Variants in SGCD observed in about 807,000 individuals in gnomAD.
The protein encoded by SGCD is sarcoglycan delta, also known as delta-sarcoglycan.
SGCD carries 18 observed loss-of-function variants against 36.6 expected under a neutral mutation model. The observed-to-expected ratio is 0.49, with a 90% CI of 0.34 to 0.73. SGCD has a LOEUF of 0.73. SGCD is among the 30% of genes least tolerant of loss of function. The probability of loss-of-function intolerance (pLI) is 0.01; values close to 1 mark genes in which losing one functional copy is unlikely to be tolerated. For synonymous variants in SGCD, 133 were observed against 130.6 expected, an observed-to-expected ratio of 1.02 and a Z score of -0.12; for missense variants, 387 against 346.7, an observed-to-expected ratio of 1.12 and a Z score of -0.92.
chr5:156,335,267 G>C (rs1768288886), intron 2 of SGCD, among the ~76,000 whole-genome samples: 1 of 152,172 alleles, frequency 6.6e-6, no homozygotes, highest in East Asian at 1.9e-4. Context: ...TGGTTCATCA[G>C]AGATAAATAT....
intron 3 of SGCD, among the ~76,000 whole-genome samples, chr5:156,182,307 CTGGGCTGGGCA>C (rs1447054264): frequency 6.6e-6 from 1 of 151,980 alleles, no homozygotes; most frequent in Non-Finnish European, 1.5e-5. Context: ...AGAAAATAAG[CTGGGCTGGGCA>C]TGGTGACTCA....
intron 3 of SGCD, among the ~76,000 whole-genome samples, chr5:156,170,400 C>G (rs1763313982): frequency 6.6e-6 from 1 of 151,858 alleles, no homozygotes; most frequent in African/African-American, 2.4e-5. Flanking sequence ...AAATTTTGAC[C>G]CTGAGAAAAA....
intron 1 of SGCD, among the ~76,000 whole-genome samples, chr5:155,976,981 C>T (rs545528010): frequency 3.9e-5 from 6 of 152,296 alleles, no homozygotes; most frequent in East Asian, 1.9e-4. Flanking sequence ...ACTTCCCTCC[C>T]CTGGGCTTCA....
At chr5:156,088,604 A>AT (rs2127593488) in intron 1 of SGCD, among the ~76,000 whole-genome samples, 1 of 152,084 alleles carries the variant, frequency 6.6e-6, no homozygotes, top group Admixed American at 6.6e-5. Flanking sequence ...GACTCAAGTG[A>AT]TCCCCCCACC....
intron 3 of SGCD, among the ~76,000 whole-genome samples, chr5:156,350,733 A>T (rs767223012): frequency 4.3e-4 from 65 of 152,294 alleles, no homozygotes; most frequent in Admixed American, 1.2e-3. Flanking sequence ...AATAGACCTT[A>T]GTTTATCACA....
At chr5:155,785,270 TTTTTAA>T in the SGCD span, among the ~76,000 whole-genome samples, 1 of 152,316 alleles carries the variant, frequency 6.6e-6, no homozygotes, top group African/African-American at 2.4e-5. Context: ...CAAGTTTTAT[TTTTTAA>T]TTTTATTTAT....
chr5:156,073,592 C>G (rs561783029), intron 1 of SGCD, among the ~76,000 whole-genome samples: 34 of 152,246 alleles, frequency 2.2e-4, no homozygotes, highest in Non-Finnish European at 3.2e-4. Context: ...GTCACACTAT[C>G]TCATAAGATC....
chr5:156,021,024 CT>C (rs1357373043), intron 1 of SGCD, among the ~76,000 whole-genome samples: 1 of 152,154 alleles, frequency 6.6e-6, no homozygotes, highest in Non-Finnish European at 1.5e-5. Context: ...CACAAATTGT[CT>C]TTGCAATTCT....
chr5:155,791,234 G>T, the SGCD span, among the ~76,000 whole-genome samples: 2 of 152,186 alleles, frequency 1.3e-5, no homozygotes, highest in Non-Finnish European at 2.9e-5. Flanking sequence ...GGAAAGAAAA[G>T]CCTGCTGAAC....
At chr5:156,255,186 TCAAA>T in intron 3 of SGCD, among the ~76,000 whole-genome samples, 1 of 152,184 alleles carries the variant, frequency 6.6e-6, no homozygotes. Context: ...TCTGAAAAAG[TCAAA>T]CACTTGAAAC....
the SGCD span, among the ~76,000 whole-genome samples, chr5:155,757,072 A>G: frequency 1.5e-4 from 23 of 152,318 alleles, no homozygotes; most frequent in Non-Finnish European, 8.8e-5. Context: ...TATACCTGCC[A>G]CTTGGCTTGT....
At chr5:155,966,158 T>C (rs1042345036) in intron 1 of SGCD, among the ~76,000 whole-genome samples, 5 of 152,138 alleles carry the variant, frequency 3.3e-5, no homozygotes, top group Admixed American at 2.0e-4. Context: ...CTTTACACTC[T>C]TGTCAAATCC....
At chr5:155,954,150 T>A (rs1262032667) in intron 1 of SGCD, among the ~76,000 whole-genome samples, 1 of 152,190 alleles carries the variant, frequency 6.6e-6, no homozygotes, top group Non-Finnish European at 1.5e-5. Context: ...CTAAAGACCT[T>A]CTGTACTGTT....
intron 1 of SGCD, among the ~76,000 whole-genome samples, chr5:156,117,585 G>A (rs1163403083): frequency 6.6e-6 from 1 of 152,160 alleles, no homozygotes; most frequent in South Asian, 2.1e-4. Context: ...TGCATACTTA[G>A]GTCCTTTCTA....
the SGCD span, among the ~76,000 whole-genome samples, chr5:155,727,861 C>T: frequency 6.6e-6 from 1 of 152,230 alleles, no homozygotes; most frequent in Non-Finnish European, 1.5e-5. Flanking sequence ...AATCCGCACA[C>T]TCCTTCTCCC....
chr5:155,940,282 C>T lies in SGCD; in HGVS notation c.-282+69858C>T, dbSNP rs573203804. 2.4e-4 allele frequency among the ~76,000 whole-genome samples: 36 copies of T among 152,260 alleles called. No homozygotes were observed. The East Asian group carries it at 3.7e-3, about 16-fold the overall frequency. On this transcript the variant is annotated intron_variant, in intron 1 of 9. Coordinates refer to the SGCD transcript ENST00000517913. ...TCAAGTATCCTATGGCTTCTTTTAG[C>T]GTAAACCAGTGTAACCTTTATGCTT...
At chr5:156,286,715 C>G (rs183781865) in intron 3 of SGCD, among the ~76,000 whole-genome samples, 1 of 151,984 alleles carries the variant, frequency 6.6e-6, no homozygotes, top group Non-Finnish European at 1.5e-5. Flanking sequence ...GGAGATATAT[C>G]TAATGTTACA....
chr5:155,883,599 C>T (rs996134511), intron 1 of SGCD, among the ~76,000 whole-genome samples: 1 of 151,626 alleles, frequency 6.6e-6, no homozygotes, highest in African/African-American at 2.4e-5. Context: ...GATATGGGCC[C>T]CAATATAATT....
chr5:156,624,867 TA>T (rs2113511833), intron 6 of SGCD, among the ~76,000 whole-genome samples: 1 of 152,310 alleles, frequency 6.6e-6, no homozygotes, highest in South Asian at 2.1e-4. Context: ...AATAGGCTGA[TA>T]AAGCACAAGA....
Sources: gnomAD v4.1 joint callset for allele counts (sites outside exome capture counted in the v4.1 genomes callset) on GRCh38, gnomAD v4.1.1 for gene constraint, MANE v1.5 for transcripts, NCBI Gene and HGNC (gene_info 2026-07-23, HGNC 2026-07-21) for gene names.